GFRAL: variants seen among roughly 807,000 people sequenced by gnomAD.
GFRAL encodes the protein GDNF family receptor alpha like.
GFRAL carries 36 observed loss-of-function variants against 45.4 expected under a neutral mutation model. The ratio of observed to expected loss-of-function variants is 0.79; its 90% CI spans 0.61 to 1.05. GFRAL has a LOEUF of 1.05. GFRAL is among the 50% of genes least tolerant of loss of function. The pLI, the probability that GFRAL is intolerant of heterozygous loss-of-function variation, is 0.00. For missense variants in GFRAL, 507 were observed against 467.5 expected, an observed-to-expected ratio of 1.08 and a Z score of -0.78; for synonymous variants, 166 against 154.1, an observed-to-expected ratio of 1.08 and a Z score of -0.57.
intron 3 of GFRAL, among the ~76,000 whole-genome samples, chr6:55,336,262 A>G (rs1342629449): frequency 6.6e-6 from 1 of 152,194 alleles, no homozygotes; most frequent in African/African-American, 2.4e-5. Flanking sequence ...GTCTTTCCAT[A>G]AACATTTTAG....
intron 6 of GFRAL, among the ~76,000 whole-genome samples, chr6:55,377,787 A>C (rs1233352084): frequency 6.6e-6 from 1 of 152,078 alleles, no homozygotes; most frequent in Admixed American, 6.6e-5. Context: ...GAAAGATCCA[A>C]AATTATTTTT....
chr6:55,367,749 TA>T (rs1326591281), intron 6 of GFRAL, among the ~76,000 whole-genome samples: 1 of 151,592 alleles, frequency 6.6e-6, no homozygotes, highest in African/African-American at 2.4e-5. Context: ...TTCTTTTCTT[TA>T]AGAATGTTGA....
chr6:55,393,085 C>T (rs1463460208), intron 6 of GFRAL, among the ~76,000 whole-genome samples: 2 of 152,088 alleles, frequency 1.3e-5, no homozygotes, highest in Non-Finnish European at 2.9e-5. Context: ...CTCTTGCCTT[C>T]CATTGACTAA....
At chr6:55,371,227 A>C (rs2127360708) in intron 6 of GFRAL, among the ~76,000 whole-genome samples, 1 of 152,226 alleles carries the variant, frequency 6.6e-6, no homozygotes, top group East Asian at 1.9e-4. Flanking sequence ...TGAAAGTCAT[A>C]TTTTCTCAGG....
At chr6:55,401,523 A>G (rs1401571882) in intron 8 of GFRAL, among the ~76,000 whole-genome samples, 1 of 152,232 alleles carries the variant, frequency 6.6e-6, no homozygotes, top group African/African-American at 2.4e-5. Flanking sequence ...CAGAGCCTTC[A>G]AAGAAGTTTG....
chr6:55,340,020 A>G (rs950555576), intron 3 of GFRAL, among the ~76,000 whole-genome samples: 1 of 152,252 alleles, frequency 6.6e-6, no homozygotes, highest in African/African-American at 2.4e-5. Flanking sequence ...TCATATGGAC[A>G]AGACCTAAAG....
chr6:55,340,829 A>G (rs903725654), intron 3 of GFRAL, among the ~76,000 whole-genome samples: 2 of 152,156 alleles, frequency 1.3e-5, no homozygotes, highest in Non-Finnish European at 2.9e-5. Flanking sequence ...TCACCCTAAT[A>G]CTGCACTTTT....
At chr6:55,347,834 C>G (rs967635583) in intron 3 of GFRAL, among the ~76,000 whole-genome samples, 1 of 151,994 alleles carries the variant, frequency 6.6e-6, no homozygotes, top group African/African-American at 2.4e-5. Flanking sequence ...TCTTCTTTTG[C>G]TTTTGCTTTA....
chr6:55,400,141 C>T (rs552818757), intron 8 of GFRAL, among the ~76,000 whole-genome samples: 12 of 94,816 alleles, frequency 1.3e-4, no homozygotes, highest in African/African-American at 3.9e-4. Context: ...ATAGTGTAGA[C>T]TTGCCTTTAA....
chr6:55,373,351 C>T (rs1768478879), intron 6 of GFRAL, among the ~76,000 whole-genome samples: 1 of 152,066 alleles, frequency 6.6e-6, no homozygotes, highest in South Asian at 2.1e-4. Context: ...ATGGAATGTT[C>T]ATAGCCAAAT....
chr6:55,393,746 A>G (rs1180394958), intron 6 of GFRAL, among the ~76,000 whole-genome samples: 1 of 152,174 alleles, frequency 6.6e-6, no homozygotes, highest in Non-Finnish European at 1.5e-5. Flanking sequence ...AGAGATTGCT[A>G]GAGTTTAGAT....
At chr6:55,375,990 G>T (rs987654927) in intron 6 of GFRAL, among the ~76,000 whole-genome samples, 3 of 152,052 alleles carry the variant, frequency 2.0e-5, no homozygotes, top group South Asian at 4.1e-4. Context: ...TATTGGTTGT[G>T]GATTTGTCAT....
Position 55,369,217 on chromosome 6 carries a change from C to T in GFRAL, c.952+10079C>T, listed in dbSNP as rs560429411. On this transcript the variant is annotated intron_variant, in intron 6 of 8. Coordinates refer to ENST00000340465, the MANE Select transcript of GFRAL (RefSeq NM_207410.2). ...GTGACCCGATTTTCCAGGTGCCGTCCGTCACCCCTTTCTTTGACTCAGAAA... is the reference window on the plus strand; with the variant it reads ...GTGACCCGATTTTCCAGGTGCCGTCTGTCACCCCTTTCTTTGACTCAGAAA... Among the ~76,000 whole-genome samples the T allele has an allele frequency of 7.9e-4, 120 of 152,192 alleles. 1 individual carries two copies. The highest frequency in any genetic ancestry group is 1.5e-3 in the Non-Finnish European group (100 of 68,002).
chr6:55,345,421 C>G (rs1309676556), intron 3 of GFRAL, among the ~76,000 whole-genome samples: 3 of 152,110 alleles, frequency 2.0e-5, no homozygotes, highest in African/African-American at 4.8e-5. Context: ...TTTGACAAAC[C>G]TGACAAAAAC....
intron 6 of GFRAL, 71 bp from the exon 7 acceptor site, chr6:55,399,109 C>A: frequency 4.0e-6 from 3 of 750,014 alleles, no homozygotes; most frequent in East Asian, 2.9e-5. Flanking sequence ...AAAGATAAAG[C>A]AAATTGTAAT....
chr6:55,395,175 A>ATATATATATATATAT (rs1554136792), intron 6 of GFRAL, among the ~76,000 whole-genome samples: 52 of 123,466 alleles, frequency 4.2e-4, no homozygotes, highest in African/African-American at 1.3e-3. Flanking sequence ...AAAAAAAAAA[A>ATATATATATATATAT]ATATATATAT....
chr6:55,355,082 G>T (rs1768170462), intron 5 of GFRAL, among the ~76,000 whole-genome samples: 3 of 151,842 alleles, frequency 2.0e-5, no homozygotes, highest in African/African-American at 7.2e-5. Context: ...TTTTAAATAT[G>T]TATGCATTAT....
At chr6:55,395,174 A>T (rs1286671299) in intron 6 of GFRAL, among the ~76,000 whole-genome samples, 2 of 124,816 alleles carry the variant, frequency 1.6e-5, no homozygotes, top group Non-Finnish European at 3.3e-5. Flanking sequence ...AAAAAAAAAA[A>T]AATATATATA....
chr6:55,334,116 G>A (rs191024228), intron 3 of GFRAL, among the ~76,000 whole-genome samples, 172 bp downstream of exon 3: 85 of 151,950 alleles, frequency 5.6e-4, no homozygotes, highest in African/African-American at 2.0e-3. Flanking sequence ...CTATTTGAGG[G>A]GTACATGAGG....
Sources: gnomAD v4.1 joint callset for allele counts (sites outside exome capture counted in the v4.1 genomes callset) on GRCh38, gnomAD v4.1.1 for gene constraint, MANE v1.5 for transcripts, NCBI Gene and HGNC (gene_info 2026-07-23, HGNC 2026-07-21) for gene names.